RANBP2: variants seen among roughly 807,000 people sequenced by gnomAD.
RANBP2 encodes RAN binding protein 2, also known as E3 SUMO-protein ligase RanBP2.
RANBP2 carries 57 observed loss-of-function variants against 303.6 expected under a neutral mutation model. The observed-to-expected ratio is 0.19, with a 90% CI of 0.15 to 0.23. The LOEUF (loss-of-function observed/expected upper bound fraction) is 0.23, where lower values mean the gene tolerates loss of function less well. Among genes scored for constraint, RANBP2 ranks in the 10% least tolerant of loss-of-function variants. The pLI, the probability that RANBP2 is intolerant of heterozygous loss-of-function variation, is 1.00. For synonymous variants in RANBP2, 1,167 were observed against 1,301.5 expected, an observed-to-expected ratio of 0.90 and a Z score of 2.23; for missense variants, 3,138 against 3,780.8, an observed-to-expected ratio of 0.83 and a Z score of 4.46.
At chr2:109,612,856 A>C in the RANBP2 span, among the ~76,000 whole-genome samples, 1 of 152,180 alleles carries the variant, frequency 6.6e-6, no homozygotes, top group South Asian at 2.1e-4. Context: ...TCTATAAAAC[A>C]AACCAACGGT....
chr2:108,743,415 A>C (rs1407391089), intron 7 of RANBP2, among the ~76,000 whole-genome samples: 2 of 152,186 alleles, frequency 1.3e-5, no homozygotes, highest in Non-Finnish European at 2.9e-5. Context: ...CTGGGACTAC[A>C]GGTGCCTGCC....
chr2:109,268,698 G>A, the RANBP2 span, among the ~76,000 whole-genome samples: 2 of 151,754 alleles, frequency 1.3e-5, no homozygotes, highest in Admixed American at 6.6e-5. Context: ...TTCACTTTCA[G>A]GGCAGTGTTC....
At chr2:108,994,955 G>A in the RANBP2 span, among the ~76,000 whole-genome samples, 4 of 150,036 alleles carry the variant, frequency 2.7e-5, no homozygotes, top group African/African-American at 7.4e-5. Flanking sequence ...TCAGCCTCCC[G>A]AGTAGCAGGG....
the RANBP2 span, chr2:109,543,573 T>C: frequency 6.6e-6 from 1 of 152,176 alleles, no homozygotes; most frequent in Non-Finnish European, 1.5e-5. Flanking sequence ...CCAAAACATA[T>C]TCCCCAAAAT....
chr2:109,639,567 C>T, the RANBP2 span, among the ~76,000 whole-genome samples: 2 of 151,056 alleles, frequency 1.3e-5, no homozygotes, highest in Admixed American at 1.3e-4. Context: ...TGCAGTGAGC[C>T]GAGATTGCAC....
the RANBP2 span, among the ~76,000 whole-genome samples, chr2:109,531,250 T>C: frequency 4.7e-4 from 72 of 152,192 alleles, no homozygotes; most frequent in African/African-American, 1.7e-3. Flanking sequence ...TTCTGACACT[T>C]GGTTTCTGAT....
At chr2:108,752,941 T>G in intron 12 of RANBP2, 57 bp from the exon 13 acceptor site, 2 of 1,607,644 alleles carry the variant, frequency 1.2e-6, no homozygotes, top group Non-Finnish European at 1.7e-6. Flanking sequence ...GTAAATGAAC[T>G]TTAGATCTAA....
At chr2:109,247,480 T>G in the RANBP2 span, among the ~76,000 whole-genome samples, 5 of 152,202 alleles carry the variant, frequency 3.3e-5, no homozygotes, top group Non-Finnish European at 7.3e-5. Context: ...GAAGTTTTTG[T>G]GCAAAACCAT....
At chr2:109,029,026 C>G in the RANBP2 span, among the ~76,000 whole-genome samples, 1 of 152,152 alleles carries the variant, frequency 6.6e-6, no homozygotes, top group South Asian at 2.1e-4. Context: ...CTCAAGCAAT[C>G]TTCCCACCTC....
chr2:109,406,560 G>C, the RANBP2 span, among the ~76,000 whole-genome samples: 4 of 152,188 alleles, frequency 2.6e-5, no homozygotes, highest in Non-Finnish European at 5.9e-5. Context: ...ACACCAGGCT[G>C]AGTCTAGCCA....
At chr2:109,100,567 G>A in the RANBP2 span, among the ~76,000 whole-genome samples, 2 of 152,202 alleles carry the variant, frequency 1.3e-5, no homozygotes, top group African/African-American at 4.8e-5. Context: ...CTCTACCCCA[G>A]AAGAGCATTA....
At chr2:109,454,139 A>G in the RANBP2 span, among the ~76,000 whole-genome samples, 2 of 152,380 alleles carry the variant, frequency 1.3e-5, no homozygotes, top group Non-Finnish European at 2.9e-5. Context: ...AAACAAAGGT[A>G]CTGCTTAATA....
the RANBP2 span, among the ~76,000 whole-genome samples, chr2:109,111,739 G>A: frequency 4.0e-5 from 6 of 149,322 alleles, no homozygotes; most frequent in South Asian, 2.1e-4. Flanking sequence ...CCATTAACTC[G>A]TCATTTAGCA....
At chr2:109,361,577 A>C in the RANBP2 span, among the ~76,000 whole-genome samples, 1 of 152,054 alleles carries the variant, frequency 6.6e-6, no homozygotes, top group Non-Finnish European at 1.5e-5. Context: ...TGGTCCAAGC[A>C]ATTCTCCTGC....
the RANBP2 span, among the ~76,000 whole-genome samples, chr2:109,676,203 G>C: frequency 1.3e-5 from 2 of 152,156 alleles, no homozygotes; most frequent in African/African-American, 4.8e-5. Context: ...AGAAGCCCTT[G>C]CTTTTTGCTG....
the RANBP2 span, among the ~76,000 whole-genome samples, chr2:109,700,678 A>G: frequency 6.6e-6 from 1 of 152,068 alleles, no homozygotes; most frequent in African/African-American, 2.4e-5. Context: ...GGGGTCCAAG[A>G]TATTTTCCTT....
the RANBP2 span, among the ~76,000 whole-genome samples, chr2:109,631,948 G>T: frequency 1.3e-5 from 2 of 152,144 alleles, no homozygotes; most frequent in Middle Eastern, 3.4e-3. Context: ...GTTACCAAAA[G>T]ACCCGCCCAG....
the RANBP2 span, among the ~76,000 whole-genome samples, chr2:109,266,101 T>C: frequency 2.4e-4 from 36 of 152,022 alleles, 1 homozygote; most frequent in Non-Finnish European, 1.6e-4. Flanking sequence ...TGCGTGCATG[T>C]GTGTGTTGTG....
the RANBP2 span, among the ~76,000 whole-genome samples, chr2:108,876,913 G>A: frequency 6.6e-6 from 1 of 152,156 alleles, no homozygotes; most frequent in African/African-American, 2.4e-5. Context: ...CCAAAGATGA[G>A]TAAAGTGGCC....
Sources: allele counts gnomAD v4.1 joint callset (sites outside exome capture counted in the v4.1 genomes callset), GRCh38; gene constraint gnomAD v4.1.1; transcripts MANE v1.5; gene names NCBI Gene and HGNC (gene_info 2026-07-23, HGNC 2026-07-21).